The following CNTN3 variants were observed in gnomAD, a reference collection of about 807,000 sequenced individuals.
The protein encoded by CNTN3 is contactin 3.
Under a neutral mutation model 119.1 loss-of-function variants are expected in CNTN3, and 60 were observed. The ratio of observed to expected loss-of-function variants is 0.50; its 90% CI spans 0.41 to 0.62. CNTN3 has a LOEUF of 0.62. CNTN3 is among the 20% of genes least tolerant of loss of function. CNTN3 has a pLI of 0.00. For missense variants in CNTN3, 1,101 were observed against 1,242.4 expected (o/e 0.89, Z 1.71); for synonymous variants, 450 against 438.7 (o/e 1.03, Z -0.32).
intron 18 of CNTN3, 40 bp from the exon 19 acceptor site, chr3:74,295,276 G>A (rs1475765584): frequency 1.7e-6 from 2 of 1,186,386 alleles, no homozygotes; most frequent in East Asian, 4.7e-5. Context: ...GATAATTTTG[G>A]CAGTTAGTTT....
intron 4 of CNTN3, among the ~76,000 whole-genome samples, chr3:74,475,700 A>G (rs1363233333): frequency 6.6e-6 from 1 of 152,164 alleles, no homozygotes; most frequent in Non-Finnish European, 1.5e-5. Flanking sequence ...TTTATGTAAT[A>G]TACAGTCAAT....
At chr3:74,392,034 C>T (rs946199947) in intron 5 of CNTN3, among the ~76,000 whole-genome samples, 1 of 151,822 alleles carries the variant, frequency 6.6e-6, no homozygotes. Context: ...GCTTAGATAA[C>T]TAGAGATAGG....
chr3:74,585,308 C>T (rs776243019), intron 1 of CNTN3, among the ~76,000 whole-genome samples: 30 of 152,066 alleles, frequency 2.0e-4, no homozygotes, highest in Admixed American at 7.9e-4. Flanking sequence ...TACATACGAT[C>T]GAAACAAAAT....
intron 5 of CNTN3, among the ~76,000 whole-genome samples, chr3:74,386,998 C>T (rs1207463770): frequency 4.6e-5 from 7 of 152,074 alleles, no homozygotes; most frequent in Non-Finnish European, 7.4e-5. Flanking sequence ...GTGTCTGAGG[C>T]GGCAGACAAA....
chr3:74,560,889 C>A (rs1351820155), intron 1 of CNTN3, among the ~76,000 whole-genome samples: 1 of 151,648 alleles, frequency 6.6e-6, no homozygotes, highest in East Asian at 1.9e-4. Flanking sequence ...ATGGATGAAG[C>A]TGGAAACCAT....
At chr3:74,546,499 G>C (rs1028878336) in intron 1 of CNTN3, among the ~76,000 whole-genome samples, 7 of 152,210 alleles carry the variant, frequency 4.6e-5, no homozygotes, top group African/African-American at 1.7e-4. Context: ...AGCACAGCTA[G>C]AATAAAAGCG....
intron 2 of CNTN3, among the ~76,000 whole-genome samples, chr3:74,519,369 T>C (rs1417154625): frequency 6.6e-6 from 1 of 151,856 alleles, no homozygotes; most frequent in Non-Finnish European, 1.5e-5. Flanking sequence ...TTCTATATAT[T>C]TGTTCGTAAA....
intron 17 of CNTN3, among the ~76,000 whole-genome samples, chr3:74,298,889 G>GA (rs78585763): frequency 0.014 from 775 of 55,736 alleles, 9 homozygotes; most frequent in African/African-American, 0.025. Context: ...CTCCATCAAG[G>GA]AAAAAAAAAA....
intron 11 of CNTN3, among the ~76,000 whole-genome samples, chr3:74,340,596 T>C (rs1276795358): frequency 1.3e-5 from 2 of 152,088 alleles, no homozygotes; most frequent in Admixed American, 6.6e-5. Flanking sequence ...TCATTGTTAT[T>C]AAAAAGAAAA....
At chr3:74,586,718 T>C (rs1344800315) in intron 1 of CNTN3, among the ~76,000 whole-genome samples, 1 of 152,106 alleles carries the variant, frequency 6.6e-6, no homozygotes, top group African/African-American at 2.4e-5. Flanking sequence ...ACCCAATACA[T>C]ACTGTAATAA....
chr3:74,339,345 C>A (rs1457471654), intron 11 of CNTN3, among the ~76,000 whole-genome samples: 1 of 152,128 alleles, frequency 6.6e-6, no homozygotes, highest in Non-Finnish European at 1.5e-5. Flanking sequence ...TTCATGAATT[C>A]TTTTCCTTGC....
intron 4 of CNTN3, among the ~76,000 whole-genome samples, chr3:74,472,261 G>A (rs1702579227): frequency 1.3e-5 from 2 of 152,096 alleles, no homozygotes; most frequent in East Asian, 1.9e-4. Context: ...ATGCTTTTAG[G>A]AGAAAATTGA....
At chr3:74,346,781 C>CCATCCATG (rs1703700477) in intron 11 of CNTN3, among the ~76,000 whole-genome samples, 2 of 148,192 alleles carry the variant, frequency 1.3e-5, no homozygotes, top group African/African-American at 5.2e-5. Context: ...ATCCATCCAT[C>CCATCCATG]CATCCATCCA....
chr3:74,414,641 T>C (rs934775193), intron 5 of CNTN3, among the ~76,000 whole-genome samples: 1 of 152,010 alleles, frequency 6.6e-6, no homozygotes, highest in Middle Eastern at 3.4e-3. Context: ...GCCACTAGAG[T>C]TTACAAAACA....
intron 2 of CNTN3, among the ~76,000 whole-genome samples, chr3:74,512,700 A>AAG (rs1406208341): frequency 1.3e-5 from 2 of 149,502 alleles, no homozygotes; most frequent in African/African-American, 4.9e-5. Context: ...AGCAAAAAAA[A>AAG]AAAAAAAAAA....
intron 13 of CNTN3, among the ~76,000 whole-genome samples, chr3:74,306,333 A>G (rs1254795632): frequency 2.0e-5 from 3 of 152,136 alleles, no homozygotes; most frequent in Admixed American, 2.0e-4. Flanking sequence ...ATAATAAGAA[A>G]CATATTTGCC....
intron 1 of CNTN3, among the ~76,000 whole-genome samples, chr3:74,564,791 C>A (rs1704202789): frequency 6.6e-6 from 1 of 151,928 alleles, no homozygotes; most frequent in African/African-American, 2.4e-5. Flanking sequence ...ATCCAACATC[C>A]TTTTAACAGA....
intron 11 of CNTN3, among the ~76,000 whole-genome samples, chr3:74,355,522 TCGGTACAC>T (rs1703914693): frequency 6.6e-6 from 1 of 152,008 alleles, no homozygotes; most frequent in African/African-American, 2.4e-5. Context: ...TGGCAAGGTC[TCGGTACAC>T]TGCAACCTCC....
intron 5 of CNTN3, among the ~76,000 whole-genome samples, chr3:74,418,717 C>T (rs1476440151): frequency 3.3e-5 from 5 of 151,980 alleles, no homozygotes; most frequent in East Asian, 1.9e-4. Context: ...TTTGACACTA[C>T]CTATACATAC....
Sources: allele counts gnomAD v4.1 joint callset (sites outside exome capture counted in the v4.1 genomes callset), GRCh38; gene constraint gnomAD v4.1.1; transcripts MANE v1.5; gene names NCBI Gene and HGNC (gene_info 2026-07-23, HGNC 2026-07-21).